PLS1: variants seen among roughly 807,000 people sequenced by gnomAD.
PLS1 encodes the protein plastin 1, also known as plastin-1.
PLS1 carries 32 observed loss-of-function variants against 73.7 expected under a neutral mutation model. The ratio of observed to expected loss-of-function variants is 0.43; its 90% CI spans 0.33 to 0.58. PLS1 has a LOEUF of 0.58. Ranked by LOEUF, PLS1 falls within the 20% of genes least tolerant of loss-of-function variation. The pLI, the probability that PLS1 is intolerant of heterozygous loss-of-function variation, is 0.04. For missense variants in PLS1, 633 were observed against 740.5 expected, an observed-to-expected ratio of 0.85 and a Z score of 1.68; for synonymous variants, 217 against 261.3, an observed-to-expected ratio of 0.83 and a Z score of 1.63.
At position 142,712,307 on chromosome 3, in the gene PLS1, TA is replaced by T; in HGVS notation, c.*301del. 4.7e-6 allele frequency: 1 copy of T among 212,450 alleles called. No homozygotes were observed. Among genetic ancestry groups the T allele is most frequent in the East Asian group, 1.0e-4 (1 of 9,948 alleles). The allele number at this position is 212,450 out of a possible 1,614,324, so 13.2% of individuals were successfully genotyped here. On this transcript the variant is annotated 3_prime_UTR_variant, in exon 16 of 16. Coordinates refer to ENST00000457734, the MANE Select transcript of PLS1 (RefSeq NM_001145319.2). ...TAGACAAGACTAAATCATTCTTTTTTATGGTTCAAAAAAGATGAATACAAAC... is the reference window on the plus strand; with the variant it reads ...TAGACAAGACTAAATCATTCTTTTTTTGGTTCAAAAAAGATGAATACAAAC...
At chr3:142,699,777 GA>G (rs373046540) in intron 12 of PLS1, among the ~76,000 whole-genome samples, 295 of 152,034 alleles carry the variant, frequency 1.9e-3, no homozygotes, top group African/African-American at 6.7e-3. Context: ...TAATTTTAAA[GA>G]AAAAAATTTT....
In PLS1 at chr3:142,676,281, C is replaced by G; in HGVS notation, c.489C>G (p.Ile163Met). The G allele has an allele frequency of 1.2e-6, 2 of 1,612,578 alleles. No individual in the cohort carries two copies. Among genetic ancestry groups the G allele is most frequent in the Non-Finnish European group, 1.7e-6 (2 of 1,179,518 alleles). The change falls in exon 5 of 16, where the codon ATC becomes ATG. Residue 163 changes from isoleucine to methionine, a missense_variant. Transcript: ENST00000457734. Reference protein sequence around the residue: ...DSLFKSLADGILLCKMINLSE... With the variant: ...DSLFKSLADGMLLCKMINLSE... ...TTTTCAAGTCACTTGCAGATGGCAT[C>G]CTTCTTTGGTGAGTTGAACTTCTGG... is the stretch of plus-strand genomic sequence containing the variant.
intron 1 of PLS1, among the ~76,000 whole-genome samples, chr3:142,625,951 A>T (rs2108571332): frequency 6.6e-6 from 1 of 152,282 alleles, no homozygotes; most frequent in African/African-American, 2.4e-5. Context: ...TCCAGCCTGG[A>T]TGACAGAACA....
intron 6 of PLS1, among the ~76,000 whole-genome samples, chr3:142,679,473 G>A (rs541236145): frequency 2.0e-5 from 3 of 152,088 alleles, no homozygotes; most frequent in Admixed American, 6.5e-5. Flanking sequence ...AAGGGATCCA[G>A]TTTCAGCTTT....
At chr3:142,698,120 A>C in intron 12 of PLS1, 53 bp downstream of exon 12, 1 of 1,052,208 alleles carries the variant, frequency 9.5e-7, no homozygotes, top group East Asian at 2.4e-5. Flanking sequence ...TATGAAACAA[A>C]GAATTTAGAG....
chr3:142,628,903 C>T (rs2036490443), intron 1 of PLS1, among the ~76,000 whole-genome samples: 1 of 152,156 alleles, frequency 6.6e-6, no homozygotes, highest in African/African-American at 2.4e-5. Context: ...TCTAAGGTTT[C>T]AAAAGCTGTA....
chr3:142,669,392 A>G lies in PLS1; in HGVS notation c.73A>G (p.Ile25Val). Residue 25 changes from isoleucine (I) to valine (V), a missense_variant and splice_region_variant, in exon 3 of 16, where the codon ATT (isoleucine) becomes GTT (valine). Ile to Val is a conservative substitution (Grantham distance 29). Transcript: ENST00000457734. Reference protein sequence around the residue: ...ELQEAFNKIDIDNSGYVSDYE... With the variant: ...ELQEAFNKIDVDNSGYVSDYE... The stretch of plus-strand genomic sequence containing the variant: ...TATTTTATAATATATCTTTACAGAT[A>G]TTGACAATAGTGGGTATGTCAGTGA... The G allele has an allele frequency of 6.6e-7, 1 of 1,522,388 alleles. No homozygotes were observed. The highest frequency in any genetic ancestry group is 9.0e-7 in the Non-Finnish European group (1 of 1,108,000). The allele number at this position is 1,522,388 out of a possible 1,614,324, so 94.3% of individuals were successfully genotyped here.
intron 1 of PLS1, among the ~76,000 whole-genome samples, chr3:142,639,825 G>A (rs1196213790): frequency 2.6e-5 from 4 of 152,198 alleles, no homozygotes; most frequent in Admixed American, 6.6e-5. Flanking sequence ...CTTTCTAAGT[G>A]TAGAGAATAA....
chr3:142,613,997 A>T (rs1178627026), intron 1 of PLS1, among the ~76,000 whole-genome samples: 1 of 152,236 alleles, frequency 6.6e-6, no homozygotes, highest in African/African-American at 2.4e-5. Flanking sequence ...GTCCTGTAAC[A>T]ATACAGGATA....
chr3:142,609,821 T>G (rs185169957), intron 1 of PLS1, among the ~76,000 whole-genome samples: 18 of 152,344 alleles, frequency 1.2e-4, no homozygotes, highest in Non-Finnish European at 2.2e-4. Context: ...TAGCTTCTTT[T>G]ACATTATAAT....
chr3:142,684,508 A>G (rs1385595048), intron 8 of PLS1, 113 bp downstream of exon 8: 1 of 854,952 alleles, frequency 1.2e-6, no homozygotes, highest in African/African-American at 1.7e-5. Context: ...TGGGATAGAA[A>G]ATGAAAATTT....
chr3:142,676,510 G>A (rs1436677716), intron 5 of PLS1, among the ~76,000 whole-genome samples: 5 of 152,006 alleles, frequency 3.3e-5, no homozygotes, highest in Non-Finnish European at 7.4e-5. Context: ...TGCCTTTTAC[G>A]TGTATTACTA....
At chr3:142,649,388 C>G (rs891221538) in intron 1 of PLS1, among the ~76,000 whole-genome samples, 1 of 149,620 alleles carries the variant, frequency 6.7e-6, no homozygotes, top group African/African-American at 2.5e-5. Context: ...GTAATCCCAG[C>G]ACTTTGGGAG....
chr3:142,655,308 A>G (rs998057491), intron 1 of PLS1, among the ~76,000 whole-genome samples: 8 of 152,184 alleles, frequency 5.3e-5, no homozygotes, highest in Non-Finnish European at 8.8e-5. Context: ...TAATTTGGCA[A>G]TGTGGGGTAT....
chr3:142,601,233 T>TTA (rs1553778285), intron 1 of PLS1, among the ~76,000 whole-genome samples: 6 of 151,454 alleles, frequency 4.0e-5, no homozygotes, highest in East Asian at 1.9e-4. Flanking sequence ...CCTATATTTT[T>TTA]TATATATATA....
At chr3:142,684,832 G>A (rs77591939) in intron 8 of PLS1, among the ~76,000 whole-genome samples, 5,896 of 152,228 alleles carry the variant, frequency 0.039, 389 homozygotes, top group African/African-American at 0.13. Context: ...AAATAAAGGG[G>A]ATCTTAAGGT....
In PLS1 at chr3:142,711,961, C is replaced by G; in HGVS notation, c.1844C>G (p.Thr615Arg). ...LVEVKPKMVMTVFACLMGKGL... is the reference protein window; with the variant it reads ...LVEVKPKMVMRVFACLMGKGL... ...GAAGTGAAACCAAAGATGGTTATGA[C>G]GGTGTTTGCATGCTTAATGGGAAAA... Residue 615 changes from threonine to arginine, a missense_variant, in exon 16 of 16, where the codon ACG becomes AGG. Thr to Arg is a moderately conservative substitution (Grantham distance 71). Coordinates refer to ENST00000457734, the MANE Select transcript of PLS1 (RefSeq NM_001145319.2). 1.9e-6 allele frequency: 3 copies of G among 1,612,924 alleles called. No homozygotes were observed. Among genetic ancestry groups the G allele is most frequent in the Non-Finnish European group, 2.5e-6 (3 of 1,179,002 alleles).
At position 142,697,995 on chromosome 3, in the gene PLS1, G is replaced by A. The variant is rs912702614; in HGVS notation, c.1299G>A (p.Met433Ile). Residue 433 changes from methionine (M) to isoleucine (I), a missense_variant, in exon 12 of 16, where the codon ATG (methionine) becomes ATA (isoleucine). Coordinates refer to ENST00000457734, the MANE Select transcript of PLS1 (RefSeq NM_001145319.2). ...TAGTGATCTTTCAGCTCTATGAGAT[G>A]ATCCGAGTGCCAGTCAACTGGAGCC... is the stretch of plus-strand genomic sequence containing the variant. ...DALVIFQLYEMIRVPVNWSHV... is the reference protein window; with the variant it reads ...DALVIFQLYEIIRVPVNWSHV... 3.1e-6 allele frequency: 5 copies of A among 1,613,544 alleles called. No homozygotes were observed. In the African/African-American group the frequency reaches 6.7e-5, roughly 22 times the overall value.
intron 9 of PLS1, among the ~76,000 whole-genome samples, chr3:142,689,309 A>G (rs2038037049): frequency 6.6e-6 from 1 of 152,094 alleles, no homozygotes; most frequent in African/African-American, 2.4e-5. Context: ...CTGTAATCCC[A>G]GCTACTCAGG....
Sources: allele counts gnomAD v4.1 joint callset (sites outside exome capture counted in the v4.1 genomes callset), GRCh38; gene constraint gnomAD v4.1.1; transcripts MANE v1.5; gene names NCBI Gene and HGNC (gene_info 2026-07-23, HGNC 2026-07-21).